GRM3: variants seen among roughly 807,000 people sequenced by gnomAD.
GRM3 encodes metabotropic glutamate receptor 3.
A neutral mutation model predicts 70.5 loss-of-function variants in GRM3; 26 were observed. That is an observed-to-expected ratio of 0.37 (90% CI 0.27 to 0.51). The LOEUF is 0.51. GRM3 is among the 20% of genes least tolerant of loss of function. The pLI, the probability that GRM3 is intolerant of heterozygous loss-of-function variation, is 0.93. For synonymous variants in GRM3, 443 were observed against 434.9 expected (o/e 1.02, Z -0.23); for missense variants, 859 against 1,123.8 (o/e 0.76, Z 3.37).
chr7:86,736,085 A>G (rs1409471782), intron 1 of GRM3, among the ~76,000 whole-genome samples: 1 of 152,174 alleles, frequency 6.6e-6, no homozygotes, highest in Admixed American at 6.5e-5. Flanking sequence ...GCTGAGCTGA[A>G]TTGTGCTTCA....
intron 4 of GRM3, among the ~76,000 whole-genome samples, chr7:86,847,058 C>T (rs1475633277): frequency 1.3e-5 from 2 of 152,194 alleles, no homozygotes; most frequent in African/African-American, 4.8e-5. Flanking sequence ...CAGGTGACCC[C>T]TGTACCATCA....
intron 1 of GRM3, among the ~76,000 whole-genome samples, chr7:86,743,122 G>T (rs1375064599): frequency 6.6e-6 from 1 of 152,164 alleles, no homozygotes; most frequent in African/African-American, 2.4e-5. Flanking sequence ...TTACATGATC[G>T]TATCTCTTTG....
At chr7:86,785,334 T>C (rs920947819) in intron 2 of GRM3, among the ~76,000 whole-genome samples, 3 of 152,220 alleles carry the variant, frequency 2.0e-5, no homozygotes, top group African/African-American at 4.8e-5. Context: ...AAATACTGTA[T>C]GCATAAAATG....
intron 1 of GRM3, among the ~76,000 whole-genome samples, chr7:86,734,697 C>G (rs371623995): frequency 1.3e-5 from 2 of 152,172 alleles, no homozygotes; most frequent in South Asian, 2.1e-4. Flanking sequence ...CTATCCCCTG[C>G]TAATTTTAGA....
intron 2 of GRM3, among the ~76,000 whole-genome samples, chr7:86,783,928 G>GCCTCC (rs1022440107): frequency 9.9e-5 from 15 of 152,114 alleles, no homozygotes; most frequent in African/African-American, 3.6e-4. Flanking sequence ...CACCAAATGT[G>GCCTCC]CCTCCTTTTT....
intron 4 of GRM3, among the ~76,000 whole-genome samples, chr7:86,841,941 A>C (rs1798566397): frequency 6.6e-6 from 1 of 152,178 alleles, no homozygotes; most frequent in Non-Finnish European, 1.5e-5. Flanking sequence ...GTGATAATTA[A>C]GGTATCCAGT....
intron 1 of GRM3, among the ~76,000 whole-genome samples, chr7:86,701,834 A>G (rs1794952372): frequency 6.6e-6 from 1 of 151,986 alleles, no homozygotes; most frequent in South Asian, 2.1e-4. Flanking sequence ...CATTTTATGT[A>G]AAACTGATAC....
At chr7:86,794,111 A>C (rs1303239763) in intron 3 of GRM3, among the ~76,000 whole-genome samples, 1 of 152,154 alleles carries the variant, frequency 6.6e-6, no homozygotes, top group Non-Finnish European at 1.5e-5. Flanking sequence ...TTTAAAAATC[A>C]GTTTACCTTA....
chr7:86,777,362 G>C (rs1234375799), intron 2 of GRM3, among the ~76,000 whole-genome samples: 1 of 152,104 alleles, frequency 6.6e-6, no homozygotes, highest in Non-Finnish European at 1.5e-5. Flanking sequence ...TGGAAAGCAG[G>C]GTGACTTTGA....
At chr7:86,802,728 T>A (rs1412725979) in intron 3 of GRM3, among the ~76,000 whole-genome samples, 1 of 152,096 alleles carries the variant, frequency 6.6e-6, no homozygotes, top group African/African-American at 2.4e-5. Context: ...TAAAAGTAAA[T>A]TGGTTGAAGA....
Position 86,839,471 on chromosome 7 carries a change from G to A in GRM3, c.1957G>A (p.Ala653Thr), listed in dbSNP as rs201286142. The part of the protein sequence containing the change: ...LRRLGLGSSF[A>T]ICYSALLTKT... ...CCGACTCGGGCTGGGGAGTTCCTTC[G>A]CTATCTGTTACTCAGCCCTGCTGAC... is the stretch of plus-strand genomic sequence containing the variant. The change falls in exon 4 of 6, where the codon GCT (alanine) becomes ACT (threonine). Residue 653 changes from alanine (A) to threonine (T), a missense_variant. Ala to Thr is a moderately conservative substitution (Grantham distance 58, BLOSUM62 0). Coordinates refer to ENST00000361669, the MANE Select transcript of GRM3 (RefSeq NM_000840.3). The surrounding 1 kb of genome is among the most constrained non-coding windows in gnomAD (Gnocchi z 4.5). 263 of 1,611,850 alleles carry A rather than the reference G, an allele frequency of 1.6e-4. No homozygotes were observed. The highest frequency in any genetic ancestry group is 4.5e-5 in the Non-Finnish European group (53 of 1,178,838).
intron 1 of GRM3, among the ~76,000 whole-genome samples, chr7:86,746,809 A>G (rs1796115420): frequency 6.6e-6 from 1 of 152,022 alleles, no homozygotes; most frequent in Non-Finnish European, 1.5e-5. Flanking sequence ...AGCTTTTTTG[A>G]ATAATAGGGT....
At chr7:86,689,265 A>G (rs969866504) in intron 1 of GRM3, among the ~76,000 whole-genome samples, 6 of 151,946 alleles carry the variant, frequency 3.9e-5, no homozygotes, top group Non-Finnish European at 5.9e-5. Context: ...TAGCTACACT[A>G]TATAGAAAGT....
intron 3 of GRM3, among the ~76,000 whole-genome samples, chr7:86,807,725 A>C (rs1277699367): frequency 1.3e-5 from 2 of 152,142 alleles, no homozygotes; most frequent in Admixed American, 1.3e-4. Flanking sequence ...TTCCTAATTG[A>C]GTACCCTTTA....
intron 4 of GRM3, among the ~76,000 whole-genome samples, chr7:86,840,333 A>C (rs1562879621): frequency 6.6e-6 from 1 of 152,210 alleles, no homozygotes; most frequent in Non-Finnish European, 1.5e-5. Context: ...GTAAATTAAA[A>C]TACACTTGCA....
At chr7:86,739,741 C>T (rs1795943752) in intron 1 of GRM3, among the ~76,000 whole-genome samples, 1 of 152,192 alleles carries the variant, frequency 6.6e-6, no homozygotes, top group African/African-American at 2.4e-5. Context: ...ACAAGCCAAA[C>T]TGAATGCACC....
At chr7:86,860,182 T>C (rs1251565718) in intron 5 of GRM3, among the ~76,000 whole-genome samples, 3 of 152,120 alleles carry the variant, frequency 2.0e-5, no homozygotes, top group African/African-American at 7.2e-5. Flanking sequence ...ACTTACACCA[T>C]TAAAAATCTC....
intron 1 of GRM3, among the ~76,000 whole-genome samples, chr7:86,764,234 G>A (rs904878793): frequency 9.2e-5 from 14 of 152,202 alleles, no homozygotes; most frequent in African/African-American, 2.9e-4. Context: ...GGTAGTGGGA[G>A]GATGGGGGAA....
chr7:86,809,697 GAA>G (rs1193224096), intron 3 of GRM3, among the ~76,000 whole-genome samples: 1 of 151,970 alleles, frequency 6.6e-6, no homozygotes, highest in Non-Finnish European at 1.5e-5. Context: ...GAGTACAAAG[GAA>G]AAGTTTGTTG....
Sources: gnomAD v4.1 joint callset for allele counts (sites outside exome capture counted in the v4.1 genomes callset) on GRCh38, gnomAD v4.1.1 for gene constraint, Gnocchi (gnomAD v3.1) non-coding constraint, MANE v1.5 for transcripts, NCBI Gene and HGNC (gene_info 2026-07-23, HGNC 2026-07-21) for gene names.